The following ZNRF1 variants were observed in gnomAD, a reference collection of about 807,000 sequenced individuals.
ZNRF1 encodes zinc and ring finger 1, also known as E3 ubiquitin-protein ligase ZNRF1.
A neutral mutation model predicts 18.4 loss-of-function variants in ZNRF1; 3 were observed. The observed-to-expected ratio is 0.16, with a 90% CI of 0.07 to 0.42. ZNRF1 has a LOEUF of 0.42. ZNRF1 is among the 10% of genes least tolerant of loss of function. The pLI, the probability that ZNRF1 is intolerant of heterozygous loss-of-function variation, is 0.99. For missense variants in ZNRF1, 310 were observed against 329.8 expected, an observed-to-expected ratio of 0.94 and a Z score of 0.47; for synonymous variants, 157 against 144.2, an observed-to-expected ratio of 1.09 and a Z score of -0.64.
At chr16:75,107,606 TGTTTG>T (rs2036333345) in intron 4 of ZNRF1, 122 bp from the exon 5 acceptor site, 1 of 422,350 alleles carries the variant, frequency 2.4e-6, no homozygotes, top group Admixed American at 2.5e-5. Context: ...CCCCGTGTGC[TGTTTG>T]GCTTCTGGGG....
intron 1 of ZNRF1, among the ~76,000 whole-genome samples, chr16:75,083,621 A>G (rs1406125261): frequency 6.6e-6 from 1 of 152,204 alleles, no homozygotes; most frequent in African/African-American, 2.4e-5. Flanking sequence ...GAAAATGACA[A>G]GTGCCTAGAT....
chr16:75,082,060 T>C (rs1220455027), intron 1 of ZNRF1, among the ~76,000 whole-genome samples: 1 of 152,216 alleles, frequency 6.6e-6, no homozygotes, highest in Non-Finnish European at 1.5e-5. Flanking sequence ...TTTTTTTTGG[T>C]AGAGATGGGG....
At chr16:75,022,122 G>A (rs1027966746) in intron 1 of ZNRF1, among the ~76,000 whole-genome samples, 8 of 152,180 alleles carry the variant, frequency 5.3e-5, no homozygotes, top group African/African-American at 1.7e-4. Context: ...TGGCATGGTG[G>A]TGGGCACCTG....
At chr16:75,007,802 A>G (rs1479353313) in intron 1 of ZNRF1, among the ~76,000 whole-genome samples, 1 of 152,204 alleles carries the variant, frequency 6.6e-6, no homozygotes, top group African/African-American at 2.4e-5. Context: ...TCTCTCCCCA[A>G]ACAGAGAAAT....
At chr16:75,086,085 A>G (rs962016390) in intron 1 of ZNRF1, among the ~76,000 whole-genome samples, 2 of 151,956 alleles carry the variant, frequency 1.3e-5, no homozygotes, top group African/African-American at 4.8e-5. Context: ...TTGCCTTTTG[A>G]TTCTATTCAG....
At chr16:75,002,409 T>G (rs1302280486) in intron 1 of ZNRF1, 5 of 152,202 alleles carry the variant, frequency 3.3e-5, no homozygotes, top group Non-Finnish European at 7.3e-5. Context: ...GTTGCAAGAT[T>G]GGAAGGGTAA....
At chr16:75,067,187 C>G (rs1030266267) in intron 1 of ZNRF1, among the ~76,000 whole-genome samples, 10 of 152,154 alleles carry the variant, frequency 6.6e-5, no homozygotes, top group African/African-American at 2.2e-4. Flanking sequence ...GGTTACTGCA[C>G]TAAGTATAGG....
chr16:75,039,419 G>A (rs1329350729), intron 1 of ZNRF1, among the ~76,000 whole-genome samples: 1 of 152,064 alleles, frequency 6.6e-6, no homozygotes, highest in Non-Finnish European at 1.5e-5. Flanking sequence ...AATTTACTTG[G>A]TCATTTTCAA....
intron 1 of ZNRF1, among the ~76,000 whole-genome samples, chr16:75,084,992 C>T (rs1006815622): frequency 6.6e-6 from 1 of 152,190 alleles, no homozygotes; most frequent in African/African-American, 2.4e-5. Context: ...TCATTAACTA[C>T]AGTTAGTTAA....
At chr16:75,094,429 G>A (rs978562563) in intron 2 of ZNRF1, among the ~76,000 whole-genome samples, 1 of 152,220 alleles carries the variant, frequency 6.6e-6, no homozygotes, top group Admixed American at 6.5e-5. Flanking sequence ...AGCATGCTGT[G>A]CATAAGGCTT....
At chr16:75,074,919 A>G in intron 1 of ZNRF1, among the ~76,000 whole-genome samples, 1 of 152,302 alleles carries the variant, frequency 6.6e-6, no homozygotes, top group East Asian at 1.9e-4. Context: ...AGTAATAATA[A>G]TAAAATATTG....
At chr16:75,013,391 G>C (rs2035025185) in intron 1 of ZNRF1, among the ~76,000 whole-genome samples, 1 of 151,328 alleles carries the variant, frequency 6.6e-6, no homozygotes, top group South Asian at 2.1e-4. Context: ...TCTGTCGCCA[G>C]GCTGGAGTGC....
intron 2 of ZNRF1, among the ~76,000 whole-genome samples, chr16:75,097,360 G>C (rs1597908956): frequency 6.6e-6 from 1 of 152,072 alleles, no homozygotes; most frequent in African/African-American, 2.4e-5. Context: ...CTGGGGGGCG[G>C]CAGGTTCATT....
chr16:75,073,036 TC>T (rs1209893990), intron 1 of ZNRF1, among the ~76,000 whole-genome samples: 2 of 151,894 alleles, frequency 1.3e-5, no homozygotes. Flanking sequence ...ACGCCTGTAA[TC>T]CCATACTTTG....
intron 1 of ZNRF1, among the ~76,000 whole-genome samples, chr16:75,034,801 A>G (rs1014531926): frequency 1.3e-5 from 2 of 150,518 alleles, no homozygotes; most frequent in Admixed American, 6.6e-5. Flanking sequence ...TAATTTTTGT[A>G]ATTTTAGTAG....
At chr16:75,050,889 C>CAAA (rs1567478884) in intron 1 of ZNRF1, among the ~76,000 whole-genome samples, 2 of 27,636 alleles carry the variant, frequency 7.2e-5, no homozygotes, top group African/African-American at 1.9e-4. Context: ...AAAAAAAAAA[C>CAAA]AAAAAAAAAC....
chr16:75,049,764 C>G (rs2035566799), intron 1 of ZNRF1, among the ~76,000 whole-genome samples: 1 of 151,968 alleles, frequency 6.6e-6, no homozygotes, highest in African/African-American at 2.4e-5. Flanking sequence ...AGTGCAATAG[C>G]AAAATGAGGC....
At position 75,108,849 on chromosome 16, in the gene ZNRF1, CAGAT is replaced by C. The variant is rs554060767; in HGVS notation, c.*1152_*1155del. The C allele has an allele frequency of 2.8e-3, 875 of 314,352 alleles. 8 individuals are homozygous for C. The highest frequency in any genetic ancestry group is 0.017 in the African/African-American group (807 of 47,026). 19.5% of individuals were successfully genotyped at this position (314,352 alleles called of 1,614,324 possible). A position where few individuals can be genotyped will look rare whatever the true frequency, so the allele number is the denominator to read the frequency against. On this transcript the variant is annotated 3_prime_UTR_variant, in exon 5 of 5. Transcript: ENST00000335325. Reference sequence around the variant, plus strand: ...GGCTCCAGGTGTGTGAATTGGTCCTCAGATAGTCAGGCCTGGGTGGAGGGAGTGG... The same window carrying C: ...GGCTCCAGGTGTGTGAATTGGTCCTCAGTCAGGCCTGGGTGGAGGGAGTGG...
chr16:75,004,545 G>T (rs756526064), intron 1 of ZNRF1, among the ~76,000 whole-genome samples: 1 of 152,202 alleles, frequency 6.6e-6, no homozygotes, highest in Non-Finnish European at 1.5e-5. Flanking sequence ...CTTTCAGAAA[G>T]TCTAAACTGT....
Sources: allele counts gnomAD v4.1 joint callset (sites outside exome capture counted in the v4.1 genomes callset), GRCh38; gene constraint gnomAD v4.1.1; transcripts MANE v1.5; gene names NCBI Gene and HGNC (gene_info 2026-07-23, HGNC 2026-07-21).